Variants in SRGAP3 observed in about 807,000 individuals in gnomAD.
SRGAP3 encodes SLIT-ROBO Rho GTPase activating protein 3.
SRGAP3 carries 39 observed loss-of-function variants against 121.1 expected under a neutral mutation model. That is an observed-to-expected ratio of 0.32 (90% CI 0.25 to 0.42). SRGAP3 has a LOEUF of 0.42. Among genes scored for constraint, SRGAP3 ranks in the 10% least tolerant of loss-of-function variants. The pLI is 1.00. For synonymous variants in SRGAP3, 601 were observed against 570.0 expected (o/e 1.05, Z -0.77); for missense variants, 1,213 against 1,470.6 (o/e 0.82, Z 2.86).
chr3:8,993,180 G>A (rs868639686), intron 19 of SRGAP3, 125 bp from the exon 20 acceptor site: 12 of 1,467,884 alleles, frequency 8.2e-6, no homozygotes, highest in African/African-American at 5.5e-5. Flanking sequence ...TGCCCACAGC[G>A]CTTGCTAGGC....
At chr3:9,107,966 G>C (rs189388877) in intron 2 of SRGAP3, among the ~76,000 whole-genome samples, 5 of 152,346 alleles carry the variant, frequency 3.3e-5, no homozygotes, top group Admixed American at 3.3e-4. Context: ...CAAATGGTCA[G>C]AAGTCAGAGA....
At chr3:9,284,578 C>G (rs2125266980) in intron 3 of SRGAP3, among the ~76,000 whole-genome samples, 1 of 152,236 alleles carries the variant, frequency 6.6e-6, no homozygotes, top group Non-Finnish European at 1.5e-5. Context: ...TGCCTGTAAT[C>G]CCAACATTTT....
At chr3:8,995,284 C>A (rs949673425) in intron 18 of SRGAP3, among the ~76,000 whole-genome samples, 1 of 151,732 alleles carries the variant, frequency 6.6e-6, no homozygotes, top group African/African-American at 2.4e-5. Context: ...CCAGCCTGGG[C>A]AATATAGTGA....
intron 12 of SRGAP3, 43 bp from the exon 13 acceptor site, chr3:9,027,038 C>G (rs1464828804): frequency 6.3e-7 from 1 of 1,580,604 alleles, no homozygotes; most frequent in Admixed American, 1.7e-5. Flanking sequence ...GCTTGACAAC[C>G]ACCACAGGAA....
At chr3:9,354,681 CAAAAAAAA>C (rs34026081) in intron 1 of SRGAP3, among the ~76,000 whole-genome samples, 1 of 70,816 alleles carries the variant, frequency 1.4e-5, no homozygotes, top group Non-Finnish European at 3.2e-5. Flanking sequence ...GACTCCATCT[CAAAAAAAA>C]AAAAAAAAAA....
chr3:9,161,120 T>C (rs1183289210), intron 1 of SRGAP3, among the ~76,000 whole-genome samples: 3 of 152,240 alleles, frequency 2.0e-5, no homozygotes, highest in African/African-American at 7.2e-5. Flanking sequence ...TGAATATTTA[T>C]GCAGTCTCAA....
rs762414069 is a variant in SRGAP3 at position 9,058,300 on chromosome 3, A to G, written c.974T>C (p.Val325Ala). 1.2e-6 allele frequency: 2 copies of G among 1,614,190 alleles called. No individual in the cohort carries two copies. Among genetic ancestry groups the G allele is most frequent in the South Asian group, 2.2e-5 (2 of 91,080 alleles). Reference sequence around the variant, plus strand: ...CTCGAACTTGAGTGGAGGGCAGAAGACTTGATTGCACATGTCCATGACTGT... The same window carrying G: ...CTCGAACTTGAGTGGAGGGCAGAAGGCTTGATTGCACATGTCCATGACTGT... ...KHTVMDMCNQ[V>A]FCPPLKFEFQ... The change falls in exon 7 of 22, where the codon GTC (valine) becomes GCC (alanine). Residue 325 changes from valine (V) to alanine (A), a missense_variant. Coordinates refer to ENST00000383836, the MANE Select transcript of SRGAP3 (RefSeq NM_014850.4).
chr3:9,269,399 G>C (rs1028424499), intron 3 of SRGAP3, among the ~76,000 whole-genome samples: 1 of 152,132 alleles, frequency 6.6e-6, no homozygotes, highest in Non-Finnish European at 1.5e-5. Flanking sequence ...GTCTCCTGCA[G>C]AGCCACATAG....
At chr3:9,187,224 G>A (rs1951624525) in intron 1 of SRGAP3, among the ~76,000 whole-genome samples, 1 of 150,006 alleles carries the variant, frequency 6.7e-6, no homozygotes, top group South Asian at 2.1e-4. Flanking sequence ...TTGGTTTTCT[G>A]TTCTTGTGTT....
intron 3 of SRGAP3, among the ~76,000 whole-genome samples, chr3:9,256,364 G>A (rs1287171626): frequency 1.3e-5 from 2 of 152,218 alleles, no homozygotes; most frequent in Non-Finnish European, 2.9e-5. Flanking sequence ...TGCTAGCAAA[G>A]TTTGCTCATT....
chr3:9,277,790 A>C (rs1468811411), intron 3 of SRGAP3, among the ~76,000 whole-genome samples: 3 of 152,030 alleles, frequency 2.0e-5, no homozygotes, highest in Non-Finnish European at 4.4e-5. Flanking sequence ...CAAACATAAA[A>C]ATAAAAATAA....
intron 18 of SRGAP3, 137 bp from the exon 19 acceptor site, chr3:8,994,660 G>C (rs1189373562): frequency 8.6e-7 from 1 of 1,163,946 alleles, no homozygotes; most frequent in Non-Finnish European, 1.2e-6. Flanking sequence ...ACGCCTGGTG[G>C]GCTGGGGCTC....
intron 1 of SRGAP3, among the ~76,000 whole-genome samples, chr3:9,226,979 C>A (rs1953008140): frequency 6.6e-6 from 1 of 152,106 alleles, no homozygotes; most frequent in South Asian, 2.1e-4. Flanking sequence ...GGATCCATTC[C>A]TCCAGGTCAA....
At chr3:9,310,535 T>C (rs1955224433) in intron 3 of SRGAP3, among the ~76,000 whole-genome samples, 1 of 152,066 alleles carries the variant, frequency 6.6e-6, no homozygotes, top group South Asian at 2.1e-4. Context: ...CCAGTGCTTC[T>C]GGGAAGAGGT....
At chr3:9,078,352 A>G (rs977646308) in intron 4 of SRGAP3, among the ~76,000 whole-genome samples, 3 of 152,166 alleles carry the variant, frequency 2.0e-5, no homozygotes, top group African/African-American at 2.4e-5. Context: ...GAACATAAAA[A>G]GGACCTAGAC....
At position 8,990,666 on chromosome 3, in the gene SRGAP3, T is replaced by C. The variant is rs768132072; in HGVS notation, c.2732A>G (p.Lys911Arg). 5.6e-6 allele frequency: 9 copies of C among 1,613,572 alleles called. No homozygotes were observed. The East Asian group carries it at 2.0e-4, about 36-fold the overall frequency. ...LTRGRIESPE[K>R]RRMATFGSAG... ...GCTCCCGAACGTCGCCATCCTCCGC[T>C]TCTCAGGGCTCTCGATCCTCCCCCG... The change falls in exon 21 of 22, where the codon AAG becomes AGG. Residue 911 changes from lysine (K) to arginine (R), a missense_variant. Lys to Arg is a conservative substitution (Grantham distance 26). Around this residue, in one of 2 missense-constraint regions of SRGAP3, gnomAD observed 420 missense variants for 437.7 expected, o/e 0.96. Transcript: ENST00000383836.
intron 1 of SRGAP3, among the ~76,000 whole-genome samples, chr3:9,133,064 AAG>A (rs1239721874): frequency 6.7e-6 from 1 of 149,278 alleles, no homozygotes; most frequent in African/African-American, 2.4e-5. Context: ...ATCTATATAT[AAG>A]AGAGAATATC....
In SRGAP3 at chr3:8,988,871, C is replaced by A. The variant is rs78601503; in HGVS notation, c.2886+1641G>T. ...GTTCACGGCCTGTGAAGATCTAATGCCCCCGCTGATCTGACAGGAGGCAGA... is the reference window on the plus strand; with the variant it reads ...GTTCACGGCCTGTGAAGATCTAATGACCCCGCTGATCTGACAGGAGGCAGA... On this transcript the variant is annotated intron_variant, in intron 21 of 21. Coordinates refer to ENST00000383836, the MANE Select transcript of SRGAP3 (RefSeq NM_014850.4). Among the ~76,000 whole-genome samples the A allele has an allele frequency of 6.4e-3, 972 of 152,262 alleles. 32 individuals are homozygous for A. The East Asian group carries it at 0.088, about 14-fold the overall frequency.
chr3:9,022,833 G>A (rs1226033629), intron 14 of SRGAP3, among the ~76,000 whole-genome samples: 1 of 152,192 alleles, frequency 6.6e-6, no homozygotes, highest in Non-Finnish European at 1.5e-5. Flanking sequence ...CTGCATCCGT[G>A]AGGAAAAGAA....
Sources: gnomAD v4.1 joint callset for allele counts (sites outside exome capture counted in the v4.1 genomes callset) on GRCh38, gnomAD v4.1.1 for gene constraint, gnomAD v4.1.1 regional missense constraint, MANE v1.5 for transcripts, NCBI Gene and HGNC (gene_info 2026-07-23, HGNC 2026-07-21) for gene names.